L3MBTL2: variants seen among roughly 807,000 people sequenced by gnomAD.
L3MBTL2 encodes lethal(3)malignant brain tumor-like protein 2.
L3MBTL2 carries 49 observed loss-of-function variants against 86.4 expected under a neutral mutation model. The ratio of observed to expected loss-of-function variants is 0.57; its 90% confidence interval spans 0.45 to 0.72. The LOEUF (loss-of-function observed/expected upper bound fraction) is 0.72, where lower values mean the gene tolerates loss of function less well. Among genes scored for constraint, L3MBTL2 ranks in the 30% least tolerant of loss-of-function variants. L3MBTL2 has a pLI of 0.00. For synonymous variants in L3MBTL2, 336 were observed against 350.6 expected (o/e 0.96, Z 0.47); for missense variants, 755 against 923.7 (o/e 0.82, Z 2.37).
chr22:41,219,342 C>G, intron 5 of L3MBTL2, 77 bp from the exon 6 acceptor site: 1 of 1,070,548 alleles, frequency 9.3e-7, no homozygotes, highest in Non-Finnish European at 1.5e-6. Flanking sequence ...GAGGACTTGA[C>G]TGAGGCCGTG....
At chr22:41,215,622 C>A (rs2031280603) in intron 3 of L3MBTL2, among the ~76,000 whole-genome samples, 1 of 152,204 alleles carries the variant, frequency 6.6e-6, no homozygotes, top group African/African-American at 2.4e-5. Context: ...AGCTGTGGGT[C>A]CTCTCCCAAA....
Position 41,221,246 on chromosome 22 carries a change from C to T in L3MBTL2, c.901C>T (p.Leu301=), listed in dbSNP as rs75888626. 4.5e-6 allele frequency: 7 copies of T among 1,551,568 alleles called. No homozygotes were observed. Among genetic ancestry groups the T allele is most frequent in the Middle Eastern group, 1.7e-4 (1 of 5,990 alleles). ...CTGGAAGGGCTACCTCATGAAACGG[C>T]TGGTGGGCTCCAGGACGCTTCCCGT... The part of the protein sequence containing the change: ...TDWKGYLMKR[L]VGSRTLPVDF... Residue 301 remains leucine, a synonymous_variant, in exon 8 of 17, where the codon CTG becomes TTG. Coordinates refer to ENST00000216237, the MANE Select transcript of L3MBTL2 (RefSeq NM_031488.5).
Position 41,227,936 on chromosome 22 carries a change from G to A in L3MBTL2, c.1888+67G>A, listed in dbSNP as rs2032306528. 1 of 1,579,906 alleles carries A rather than the reference G, an allele frequency of 6.3e-7. No homozygotes were observed. Among genetic ancestry groups the A allele is most frequent in the African/African-American group, 1.4e-5 (1 of 74,042 alleles). On this transcript the variant is annotated intron_variant, in intron 15 of 16. Coordinates refer to ENST00000216237, the MANE Select transcript of L3MBTL2 (RefSeq NM_031488.5). This position sits in a 1 kb window ranked among gnomAD's most constrained non-coding sequence, Gnocchi z 6.0. ...GAGCAGTGGGCCTGCGTCCCTGGGA[G>A]CAGGCGGGGGTCAGCCCCCAGGCAC...
At chr22:41,222,683 G>A (rs975983137) in intron 8 of L3MBTL2, among the ~76,000 whole-genome samples, 2 of 152,130 alleles carry the variant, frequency 1.3e-5, no homozygotes, top group Admixed American at 1.3e-4. Flanking sequence ...ACTTTGGGAG[G>A]CCGAGGTCAG....
Position 41,225,872 on chromosome 22 carries a change from G to A in L3MBTL2, c.1435G>A (p.Ala479Thr). ...TGGCTTGGACTGGTTCTGCTACCAT[G>A]CCTCTTCCCACGCCATCTTCCCGGC... ...TDGLDWFCYH[A>T]SSHAIFPATF... is the part of the protein sequence containing the mutation. The change falls in exon 12 of 17, where the codon GCC becomes ACC. Residue 479 changes from alanine (A) to threonine (T), a missense_variant. Transcript: ENST00000216237. The surrounding 1 kb of genome is among the most constrained non-coding windows in gnomAD (Gnocchi z 4.1). The A allele has an allele frequency of 6.2e-7, 1 of 1,614,146 alleles. No homozygotes were observed. Among genetic ancestry groups the A allele is most frequent in the Admixed American group, 1.7e-5 (1 of 60,018 alleles).
At chr22:41,214,087 G>A in intron 3 of L3MBTL2, 61 bp downstream of exon 3, 5 of 1,581,322 alleles carry the variant, frequency 3.2e-6, no homozygotes, top group Non-Finnish European at 4.3e-6. Context: ...GAACCACCAA[G>A]TGACTGAAGG....
At chr22:41,213,869 T>G (rs2031124793) in intron 2 of L3MBTL2, 24 bp from the exon 3 acceptor site, 1 of 1,613,194 alleles carries the variant, frequency 6.2e-7, no homozygotes, top group African/African-American at 1.3e-5. Context: ...ATCGGGTGAG[T>G]CATGTGCTAA....
chr22:41,227,132 C>T lies in L3MBTL2; in HGVS notation c.1631C>T (p.Ala544Val). ...HGFKVGMKLE[A>V]VDLMEPRLIC... ...TTCAAGGTGGGCATGAAGCTGGAGG[C>T]CGTGGACCTGATGGAGCCCCGGCTC... Residue 544 changes from alanine (A) to valine (V), a missense_variant, in exon 14 of 17, where the codon GCC (alanine) becomes GTC (valine). Ala to Val is a moderately conservative substitution (Grantham distance 64). This residue lies in a region of L3MBTL2 where 634 missense variants were observed against 748.9 expected (regional missense o/e 0.85). Coordinates refer to ENST00000216237, the MANE Select transcript of L3MBTL2 (RefSeq NM_031488.5). The surrounding 1 kb of genome is among the most constrained non-coding windows in gnomAD (Gnocchi z 6.0). The T allele has an allele frequency of 6.2e-7, 1 of 1,613,576 alleles. No individual in the cohort carries two copies. The highest frequency in any genetic ancestry group is 2.2e-5 in the East Asian group (1 of 44,878).
chr22:41,223,190 GC>G (rs2031951423), intron 8 of L3MBTL2, among the ~76,000 whole-genome samples: 1 of 152,220 alleles, frequency 6.6e-6, no homozygotes, highest in South Asian at 2.1e-4. Context: ...CCTGTTGGCT[GC>G]TTTGTGACCT....
At chr22:41,218,254 T>TGC (rs2031546031) in intron 5 of L3MBTL2, 1 of 152,244 alleles carries the variant, frequency 6.6e-6, no homozygotes, top group Non-Finnish European at 1.5e-5. Flanking sequence ...GGCTTACCCC[T>TGC]ATAATCCCAG....
Position 41,209,688 on chromosome 22 carries a change from T to G in L3MBTL2, c.25-8T>G. On this transcript the variant is annotated splice_region_variant and splice_polypyrimidine_tract_variant and intron_variant, in intron 1 of 16. Transcript: ENST00000216237. ...TCTTTCTACCTGGTTTGTGTCATCC[T>G]CCATTAGGAGACCCCATCTTCAGAA... 6.2e-7 allele frequency: 1 copy of G among 1,613,014 alleles called. No individual in the cohort carries two copies. The highest frequency in any genetic ancestry group is 2.2e-5 in the East Asian group (1 of 44,876).
rs2031131910 is a variant in L3MBTL2 at position 41,214,010 on chromosome 22, T to TA, written c.380_381insA (p.Ala129GlyfsTer2). On this transcript the variant is annotated frameshift_variant, in exon 3 of 17. Coordinates refer to ENST00000216237, the MANE Select transcript of L3MBTL2 (RefSeq NM_031488.5). LOFTEE classifies it high-confidence loss of function. ...TCCTCCAACTCCAAGAAAGCCAGTA[T>TA]CTTGGCTAGGTTACAGGTGAGAGGC... The TA allele has an allele frequency of 6.2e-7, 1 of 1,614,064 alleles. No individual in the cohort carries two copies. The highest frequency in any genetic ancestry group is 8.5e-7 in the Non-Finnish European group (1 of 1,180,040).
At position 41,226,646 on chromosome 22, in the gene L3MBTL2, C is replaced by A; in HGVS notation, c.1505-16C>A. Reference sequence around the variant, plus strand: ...TTCCCCCTCTCCCTCTGCATCTGAGCTTTCTGCTCCTCCAGGTTATGAGGC... The same window carrying A: ...TTCCCCCTCTCCCTCTGCATCTGAGATTTCTGCTCCTCCAGGTTATGAGGC... On this transcript the variant is annotated splice_polypyrimidine_tract_variant and intron_variant, in intron 12 of 16. Coordinates refer to ENST00000216237, the MANE Select transcript of L3MBTL2 (RefSeq NM_031488.5). The A allele has an allele frequency of 6.3e-7, 1 of 1,597,524 alleles. No homozygotes were observed. Among genetic ancestry groups the A allele is most frequent in the Non-Finnish European group, 8.6e-7 (1 of 1,164,920 alleles).
intron 1 of L3MBTL2, among the ~76,000 whole-genome samples, chr22:41,206,730 C>T (rs1045186435): frequency 3.3e-5 from 5 of 151,432 alleles, no homozygotes; most frequent in African/African-American, 4.9e-5. Flanking sequence ...ACGTGGGAGG[C>T]GGAGCTTGCA....
At chr22:41,211,895 G>A (rs1167859334) in intron 2 of L3MBTL2, among the ~76,000 whole-genome samples, 2 of 81,646 alleles carry the variant, frequency 2.4e-5, no homozygotes, top group East Asian at 3.5e-4. Flanking sequence ...ACAGAGTCTC[G>A]CTGTGTCACC....
Position 41,224,851 on chromosome 22 carries a change from G to C in L3MBTL2, c.1251+50G>C. 5.1e-6 allele frequency: 8 copies of C among 1,565,300 alleles called. No individual in the cohort carries two copies. The highest frequency in any genetic ancestry group is 7.0e-6 in the Non-Finnish European group (8 of 1,135,978). ...TTCCCCTCAGCCATGGGTCCATTCCGGGCCTGAGGGACCTGGCTCTTCCCC... is the reference window on the plus strand; with the variant it reads ...TTCCCCTCAGCCATGGGTCCATTCCCGGCCTGAGGGACCTGGCTCTTCCCC... On this transcript the variant is annotated intron_variant, in intron 10 of 16. Transcript: ENST00000216237. This position sits in a 1 kb window ranked among gnomAD's most constrained non-coding sequence, Gnocchi z 4.9.
chr22:41,210,086 G>A, intron 2 of L3MBTL2, 153 bp downstream of exon 2: 4 of 961,886 alleles, frequency 4.2e-6, no homozygotes, highest in Non-Finnish European at 5.9e-6. Flanking sequence ...ACCTGTAAGG[G>A]AGACAGAAGC....
At position 41,227,634 on chromosome 22, in the gene L3MBTL2, T is replaced by G; in HGVS notation, c.1823-170T>G. ...AACAAGGGTGGGAAGAAGGGACAGC[T>G]GTTCTCCGGCCCCTCCTCCAGCCCC... On this transcript the variant is annotated intron_variant, in intron 14 of 16. Transcript: ENST00000216237. This position sits in a 1 kb window ranked among gnomAD's most constrained non-coding sequence, Gnocchi z 6.0. 6.5e-7 allele frequency: 1 copy of G among 1,548,634 alleles called. No homozygotes were observed. Among genetic ancestry groups the G allele is most frequent in the Non-Finnish European group, 8.7e-7 (1 of 1,145,548 alleles).
intron 7 of L3MBTL2, 138 bp downstream of exon 7, chr22:41,221,006 C>A: frequency 9.0e-7 from 1 of 1,106,926 alleles, no homozygotes; most frequent in Non-Finnish European, 1.3e-6. Context: ...TTCCTGCCCT[C>A]CCCATCCCAG....
Sources: gnomAD v4.1 joint callset for allele counts (sites outside exome capture counted in the v4.1 genomes callset) on GRCh38, gnomAD v4.1.1 for gene constraint, gnomAD v4.1.1 regional missense constraint, Gnocchi (gnomAD v3.1) non-coding constraint, MANE v1.5 for transcripts, NCBI Gene and HGNC (gene_info 2026-07-23, HGNC 2026-07-21) for gene names.